Variants in GPR157 observed in about 807,000 individuals in gnomAD.
The protein encoded by GPR157 is G protein-coupled receptor 157.
GPR157 carries 16 observed loss-of-function variants against 23.5 expected under a neutral mutation model. The ratio of observed to expected loss-of-function variants is 0.68; its 90% CI spans 0.46 to 1.04. The LOEUF (loss-of-function observed/expected upper bound fraction) is 1.04, where lower values mean the gene tolerates loss of function less well. Among genes scored for constraint, GPR157 ranks in the 50% least tolerant of loss-of-function variants. The probability of loss-of-function intolerance (pLI) is 0.00; values close to 1 mark genes in which losing one functional copy is unlikely to be tolerated. For synonymous variants in GPR157, 200 were observed against 221.5 expected (o/e 0.90, Z 0.86); for missense variants, 440 against 460.7 (o/e 0.96, Z 0.41).
chr1:9,112,872 A>G (rs1638543681), intron 1 of GPR157, among the ~76,000 whole-genome samples: 1 of 152,196 alleles, frequency 6.6e-6, no homozygotes, highest in Admixed American at 6.5e-5. Context: ...CAAAGGCTAT[A>G]GTGGCTCCTG....
intron 1 of GPR157, among the ~76,000 whole-genome samples, chr1:9,123,544 C>CTAATTTAAATATATATTTAAATATATA (rs1638880726): frequency 7.4e-5 from 1 of 13,544 alleles, no homozygotes; most frequent in African/African-American, 3.7e-4. Context: ...TTAAATATAT[C>CTAATTTAAATATATATTTAAATATATA]TAATTTAAAT....
At position 9,101,770 on chromosome 1, in the gene GPR157, AG is replaced by A. The variant is rs1352165842; in HGVS notation, c.*2648del. Reference sequence around the variant, plus strand: ...CTGACCACAGCCAGTCCATCTGGGGAGCCATGTCTCAGCTCTGGCTTGGGTA... The same window carrying A: ...CTGACCACAGCCAGTCCATCTGGGGACCATGTCTCAGCTCTGGCTTGGGTA... On this transcript the variant is annotated 3_prime_UTR_variant, in exon 4 of 4. Coordinates refer to ENST00000377411, the MANE Select transcript of GPR157 (RefSeq NM_024980.5). 6.6e-6 allele frequency: 1 copy of A among 152,116 alleles called. No individual in the cohort carries two copies. Among genetic ancestry groups the A allele is most frequent in the Non-Finnish European group, 1.5e-5 (1 of 68,042 alleles). The allele number at this position is 152,116 out of a possible 1,614,324, so 9.4% of individuals were successfully genotyped here.
chr1:9,112,474 A>C (rs780265878), intron 1 of GPR157, among the ~76,000 whole-genome samples: 4 of 152,126 alleles, frequency 2.6e-5, no homozygotes, highest in Non-Finnish European at 5.9e-5. Context: ...TTTTTTTGAG[A>C]CGGAGTCTCG....
At chr1:9,122,976 G>T (rs1243164964) in intron 1 of GPR157, among the ~76,000 whole-genome samples, 1 of 151,418 alleles carries the variant, frequency 6.6e-6, no homozygotes. Context: ...GAGCAACACG[G>T]TGAAACCCCA....
chr1:9,104,988 A>G (rs1414221790), intron 3 of GPR157, among the ~76,000 whole-genome samples: 1 of 146,396 alleles, frequency 6.8e-6, no homozygotes, highest in Non-Finnish European at 1.5e-5. Context: ...TGACAAAGCC[A>G]GACTCTGTCC....
At chr1:9,106,697 C>A (rs1638341878) in intron 2 of GPR157, among the ~76,000 whole-genome samples, 1 of 152,254 alleles carries the variant, frequency 6.6e-6, no homozygotes, top group African/African-American at 2.4e-5. Context: ...GGTGCAAAGG[C>A]TCATGCCTGG....
chr1:9,109,079 A>ATTT (rs35405293), intron 2 of GPR157, among the ~76,000 whole-genome samples: 110 of 121,888 alleles, frequency 9.0e-4, no homozygotes, highest in Non-Finnish European at 1.0e-3. Context: ...CCCGGCCCTA[A>ATTT]TTTTTTTTTT....
At position 9,116,336 on chromosome 1, in the gene GPR157, TA is replaced by T. The variant is rs1638671262; in HGVS notation, c.384-4848del. Among the ~76,000 whole-genome samples, 2 of 35,126 alleles carry T rather than the reference TA, an allele frequency of 5.7e-5. 1 individual carries two copies. Among genetic ancestry groups the T allele is most frequent in the Non-Finnish European group, 8.3e-5 (2 of 23,994 alleles). The allele number at this position is 35,126 out of a possible 152,430, so 23.0% of individuals were successfully genotyped here. On this transcript the variant is annotated intron_variant, in intron 1 of 3. Coordinates refer to ENST00000377411, the MANE Select transcript of GPR157 (RefSeq NM_024980.5). ...ATATATAATATATATAAATTATATATAATTTATATATAATTATATATAAATT... is the reference window on the plus strand; with the variant it reads ...ATATATAATATATATAAATTATATATATTTATATATAATTATATATAAATT...
chr1:9,126,571 C>G (rs1638967452), intron 1 of GPR157, among the ~76,000 whole-genome samples: 1 of 152,180 alleles, frequency 6.6e-6, no homozygotes, highest in Non-Finnish European at 1.5e-5. Flanking sequence ...ATCATGTAGT[C>G]TATGCCTGAA....
In GPR157 at chr1:9,103,121, A is replaced by AAC. The variant is rs908105517; in HGVS notation, c.*1297_*1298insGT. 1.3e-5 allele frequency: 2 copies of AAC among 151,604 alleles called. No individual in the cohort carries two copies. Among genetic ancestry groups the AAC allele is most frequent in the South Asian group, 2.1e-4 (1 of 4,810 alleles). 9.4% of individuals were successfully genotyped at this position (151,604 alleles called of 1,614,324 possible). A position where few individuals can be genotyped will look rare whatever the true frequency, so the allele number is the denominator to read the frequency against. Reference sequence around the variant, plus strand: ...TCCTTTTTTAAAAAAAAAAAAAAAAAAAAACTGACTCTGAAGCTTAAAACC... The same window carrying AAC: ...TCCTTTTTTAAAAAAAAAAAAAAAAAACAAAACTGACTCTGAAGCTTAAAACC... On this transcript the variant is annotated 3_prime_UTR_variant, in exon 4 of 4. Coordinates refer to ENST00000377411, the MANE Select transcript of GPR157 (RefSeq NM_024980.5).
At chr1:9,114,063 G>A (rs964454519) in intron 1 of GPR157, among the ~76,000 whole-genome samples, 13 of 150,652 alleles carry the variant, frequency 8.6e-5, no homozygotes, top group African/African-American at 3.2e-4. Context: ...GCTCACGCCC[G>A]AATCCCAGGA....
rs1391385596 is a variant in GPR157 at position 9,101,659 on chromosome 1, G to C, written c.*2760C>G. On this transcript the variant is annotated 3_prime_UTR_variant, in exon 4 of 4. Transcript: ENST00000377411. ...TACAAAAGCAGATACAGTGGCCAGT[G>C]GCATCAAAGAAATGGAATGAGAACT... 1 of 152,178 alleles carries C rather than the reference G, an allele frequency of 6.6e-6. No homozygotes were observed. The highest frequency in any genetic ancestry group is 1.5e-5 in the Non-Finnish European group (1 of 68,060). The allele number at this position is 152,178 out of a possible 1,614,324, so 9.4% of individuals were successfully genotyped here.
intron 1 of GPR157, among the ~76,000 whole-genome samples, chr1:9,127,223 C>T (rs536639056): frequency 1.3e-5 from 2 of 152,150 alleles, no homozygotes; most frequent in East Asian, 1.9e-4. Flanking sequence ...ACAGAAACCC[C>T]CCTAGAGGGT....
chr1:9,123,544 C>T (rs1369510438), intron 1 of GPR157, among the ~76,000 whole-genome samples: 5 of 13,544 alleles, frequency 3.7e-4, no homozygotes, highest in Non-Finnish European at 5.0e-4. Flanking sequence ...TTAAATATAT[C>T]TAATTTAAAT....
intron 1 of GPR157, 60 bp from the exon 2 acceptor site, chr1:9,111,549 C>A: frequency 7.0e-7 from 1 of 1,427,198 alleles, no homozygotes; most frequent in Non-Finnish European, 9.8e-7. Flanking sequence ...GCAATGTCAG[C>A]CTTCGCAAAA....
At chr1:9,116,309 T>TATAATATTA (rs1466795332) in intron 1 of GPR157, among the ~76,000 whole-genome samples, 1 of 6,986 alleles carries the variant, frequency 1.4e-4, no homozygotes. Flanking sequence ...ATATATTATA[T>TATAATATTA]TATATATAAT....
chr1:9,104,894 G>A (rs1305447242), intron 3 of GPR157, among the ~76,000 whole-genome samples: 3 of 151,882 alleles, frequency 2.0e-5, no homozygotes, highest in Non-Finnish European at 4.4e-5. Flanking sequence ...CCAGCGACAC[G>A]GAGGCTGAGG....
At chr1:9,119,279 C>G (rs936260113) in intron 1 of GPR157, among the ~76,000 whole-genome samples, 4 of 152,050 alleles carry the variant, frequency 2.6e-5, no homozygotes, top group Admixed American at 6.6e-5. Context: ...GTGATCCGCC[C>G]ACCTCGGCCT....
intron 2 of GPR157, among the ~76,000 whole-genome samples, chr1:9,110,139 C>T (rs545354192): frequency 5.9e-5 from 9 of 152,368 alleles, no homozygotes; most frequent in Non-Finnish European, 1.3e-4. Flanking sequence ...ACTTCTGCCT[C>T]TCTCCAGGAG....
Sources: allele counts gnomAD v4.1 joint callset (sites outside exome capture counted in the v4.1 genomes callset), GRCh38; gene constraint gnomAD v4.1.1; transcripts MANE v1.5; gene names NCBI Gene and HGNC (gene_info 2026-07-23, HGNC 2026-07-21).